Variants in NALCN observed in about 807,000 individuals in gnomAD.
NALCN encodes the protein sodium leak channel NALCN.
NALCN carries 111 observed loss-of-function variants against 225.3 expected under a neutral mutation model. That is an observed-to-expected ratio of 0.49 (90% CI 0.42 to 0.58). The LOEUF is 0.58. Among genes scored for constraint, NALCN ranks in the 20% least tolerant of loss-of-function variants. The pLI is 0.00. For synonymous variants in NALCN, 764 were observed against 769.0 expected, an observed-to-expected ratio of 0.99 and a Z score of 0.11; for missense variants, 1,378 against 2,202.4, an observed-to-expected ratio of 0.63 and a Z score of 7.49.
At chr13:101,280,145 G>A (rs1328502181) in intron 10 of NALCN, among the ~76,000 whole-genome samples, 1 of 152,146 alleles carries the variant, frequency 6.6e-6, no homozygotes, top group Admixed American at 6.5e-5. Context: ...GGTACAAACA[G>A]ATAACTTCTT....
Position 101,258,334 on chromosome 13 carries a change from G to A in NALCN, c.1266+109C>T. 3.5e-6 allele frequency: 5 copies of A among 1,442,670 alleles called. No homozygotes were observed. The Admixed American group carries it at 6.3e-5, about 18-fold the overall frequency. 89.4% of individuals were successfully genotyped at this position (1,442,670 alleles called of 1,614,324 possible). A position where few individuals can be genotyped will look rare whatever the true frequency, so the allele number is the denominator to read the frequency against. The stretch of plus-strand genomic sequence containing the variant: ...AAGCAGACAATGATTCAGCTTTGGT[G>A]AAAGTCAAGTAATGAACAGGCTACA... On this transcript the variant is annotated intron_variant, in intron 11 of 43. Transcript: ENST00000251127.
chr13:101,110,090 C>A (rs181617742), intron 20 of NALCN, among the ~76,000 whole-genome samples: 2 of 152,276 alleles, frequency 1.3e-5, no homozygotes, highest in African/African-American at 4.8e-5. Flanking sequence ...CAGCACAGAG[C>A]AAACACTTGA....
chr13:101,132,096 G>C (rs948715165), intron 17 of NALCN, among the ~76,000 whole-genome samples: 2 of 151,628 alleles, frequency 1.3e-5, no homozygotes, highest in Non-Finnish European at 2.9e-5. Context: ...TGAATGCTTG[G>C]AGGATTAATT....
Position 101,258,547 on chromosome 13 carries a change from T to C in NALCN, c.1162A>G (p.Met388Val), listed in dbSNP as rs767275929. Reference sequence around the variant, plus strand: ...ACGGTCACCATGCTCAGGATGAACATGTGGAAAACGGATGACCGCATCATT... The same window carrying C: ...ACGGTCACCATGCTCAGGATGAACACGTGGAAAACGGATGACCGCATCATT... ...QKMMRSSVFH[M>V]FILSMVTVDV... The change falls in exon 11 of 44, where the codon ATG (methionine) becomes GTG (valine). Residue 388 changes from methionine to valine, a missense_variant. Coordinates refer to ENST00000251127, the MANE Select transcript of NALCN (RefSeq NM_052867.4). 3 of 1,614,140 alleles carry C rather than the reference T, an allele frequency of 1.9e-6. No homozygotes were observed. Among genetic ancestry groups the C allele is most frequent in the East Asian group, 2.2e-5 (1 of 44,880 alleles).
At chr13:101,061,314 A>C (rs2031916898) in intron 41 of NALCN, among the ~76,000 whole-genome samples, 1 of 152,216 alleles carries the variant, frequency 6.6e-6, no homozygotes, top group Non-Finnish European at 1.5e-5. Flanking sequence ...TTGCAAATTC[A>C]ATATGTGGAA....
intron 7 of NALCN, among the ~76,000 whole-genome samples, chr13:101,336,598 C>T (rs1032983174): frequency 3.9e-5 from 6 of 152,052 alleles, no homozygotes; most frequent in African/African-American, 7.2e-5. Flanking sequence ...GTGGAGCTGA[C>T]GACTTGTAGT....
At chr13:101,360,929 T>TAA (rs1482812963) in intron 6 of NALCN, among the ~76,000 whole-genome samples, 1 of 152,204 alleles carries the variant, frequency 6.6e-6, no homozygotes, top group Admixed American at 6.6e-5. Flanking sequence ...ACTCAAGGTC[T>TAA]ATTTTTTTAA....
intron 7 of NALCN, among the ~76,000 whole-genome samples, chr13:101,318,170 G>T (rs2139179069): frequency 6.6e-6 from 1 of 152,250 alleles, no homozygotes; most frequent in Admixed American, 6.5e-5. Flanking sequence ...CACCCGCTGG[G>T]CTCGTTCTGC....
intron 30 of NALCN, among the ~76,000 whole-genome samples, chr13:101,087,255 T>C (rs1165002324): frequency 6.6e-6 from 1 of 152,172 alleles, no homozygotes; most frequent in Non-Finnish European, 1.5e-5. Flanking sequence ...TTTCTATCTC[T>C]GTTGTCTCTA....
chr13:101,386,040 T>A (rs919037277), intron 3 of NALCN, among the ~76,000 whole-genome samples: 2 of 152,330 alleles, frequency 1.3e-5, no homozygotes, highest in East Asian at 1.9e-4. Context: ...ATGTATTTTT[T>A]AAATTTACTT....
chr13:101,132,410 T>C (rs907801175), intron 17 of NALCN, among the ~76,000 whole-genome samples: 1 of 152,156 alleles, frequency 6.6e-6, no homozygotes, highest in African/African-American at 2.4e-5. Context: ...GGTAAATGGT[T>C]ACATTTAAAA....
At chr13:101,273,795 G>T (rs1414373116) in intron 10 of NALCN, among the ~76,000 whole-genome samples, 1 of 148,860 alleles carries the variant, frequency 6.7e-6, no homozygotes, top group East Asian at 2.0e-4. Flanking sequence ...TGGGGCAGGA[G>T]AATGGCGTGA....
intron 28 of NALCN, among the ~76,000 whole-genome samples, chr13:101,091,111 T>C (rs79331610): frequency 5.3e-5 from 8 of 152,188 alleles, no homozygotes; most frequent in African/African-American, 1.9e-4. Context: ...CAGTGGCTTT[T>C]CCCCCTCTTT....
At chr13:101,083,661 A>G (rs1432673827) in intron 31 of NALCN, 50 bp downstream of exon 31, 1 of 1,539,238 alleles carries the variant, frequency 6.5e-7, no homozygotes, top group South Asian at 1.1e-5. Flanking sequence ...CTCCTGGGGA[A>G]TCGTGCACAC....
At chr13:101,309,430 G>C (rs1190252983) in intron 7 of NALCN, among the ~76,000 whole-genome samples, 1 of 152,214 alleles carries the variant, frequency 6.6e-6, no homozygotes, top group East Asian at 1.9e-4. Flanking sequence ...GGCCACCTCA[G>C]TGATATAAAT....
chr13:101,055,529 T>G, intron 43 of NALCN, 41 bp from the exon 44 acceptor site: 1 of 1,572,258 alleles, frequency 6.4e-7, no homozygotes. Context: ...TGGTATTGCT[T>G]CACCCTATTG....
At chr13:101,300,748 G>A (rs1456457719) in intron 7 of NALCN, among the ~76,000 whole-genome samples, 6 of 152,200 alleles carry the variant, frequency 3.9e-5, no homozygotes, top group Non-Finnish European at 8.8e-5. Flanking sequence ...GGCTTGCCAC[G>A]TGGCATATCA....
At chr13:101,187,557 T>C in intron 14 of NALCN, among the ~76,000 whole-genome samples, 1 of 152,140 alleles carries the variant, frequency 6.6e-6, no homozygotes, top group Non-Finnish European at 1.5e-5. Context: ...TAAGACAAAT[T>C]TGTTTTTAGG....
intron 1 of NALCN, among the ~76,000 whole-genome samples, chr13:101,400,553 GTGTGT>G (rs1181273662): frequency 6.0e-5 from 7 of 116,010 alleles, no homozygotes; most frequent in Admixed American, 2.8e-4. Context: ...CAGTGTGTGT[GTGTGT>G]GTGTGTGTGT....
Sources: allele counts gnomAD v4.1 joint callset (sites outside exome capture counted in the v4.1 genomes callset), GRCh38; gene constraint gnomAD v4.1.1; transcripts MANE v1.5; gene names NCBI Gene and HGNC (gene_info 2026-07-23, HGNC 2026-07-21).